CARMIL2: variants seen among roughly 807,000 people sequenced by gnomAD.
The protein encoded by CARMIL2 is capping protein regulator and myosin 1 linker 2, also known as capping protein, Arp2/3 and myosin-I linker protein 2.
In CARMIL2, 96 loss-of-function variants were observed where a neutral mutation model predicts 173.3. That is an observed-to-expected ratio of 0.55 (90% CI 0.47 to 0.66). CARMIL2 has a LOEUF of 0.66. Among genes scored for constraint, CARMIL2 ranks in the 30% least tolerant of loss-of-function variants. The pLI is 0.00. For synonymous variants in CARMIL2, 830 were observed against 817.1 expected (o/e 1.02, Z -0.27); for missense variants, 1,771 against 1,906.7 (o/e 0.93, Z 1.33).
chr16:67,651,091 A>C lies in CARMIL2; in HGVS notation c.2185-96A>C. 6.9e-7 allele frequency: 1 copy of C among 1,447,186 alleles called. No homozygotes were observed. Among genetic ancestry groups the C allele is most frequent in the Non-Finnish European group, 9.4e-7 (1 of 1,067,386 alleles). The allele number at this position is 1,447,186 out of a possible 1,614,324, so 89.6% of individuals were successfully genotyped here. ...TGGCTGGTCTAAGGGTGTCAGCTTC[A>C]GGACCTCCCTCTGTTAAAGAGCCTG... is the stretch of plus-strand genomic sequence containing the variant. On this transcript the variant is annotated intron_variant, in intron 22 of 37. Transcript: ENST00000334583. This position sits in a 1 kb window ranked among gnomAD's most constrained non-coding sequence, Gnocchi z 4.2.
chr16:67,648,711 A>G lies in CARMIL2; in HGVS notation c.1466A>G (p.Asn489Ser), dbSNP rs761207272. The change falls in exon 16 of 38, where the codon AAC becomes AGC. Residue 489 changes from asparagine (N) to serine (S), a missense_variant. Transcript: ENST00000334583. This position sits in a 1 kb window ranked among gnomAD's most constrained non-coding sequence, Gnocchi z 6.1. ...LRALLDGLAL[N>S]THLRDLHLDL... ...GCCCTTTTGGATGGCCTCGCGCTCA[A>G]CACGCACCTCCGCGACCTGCACCTG... 8 of 1,607,800 alleles carry G rather than the reference A, an allele frequency of 5.0e-6. No individual in the cohort carries two copies. Among genetic ancestry groups the G allele is most frequent in the Non-Finnish European group, 6.8e-6 (8 of 1,177,490 alleles).
Position 67,657,210 on chromosome 16 carries a change from C to T in CARMIL2, c.4118-29C>T, listed in dbSNP as rs774972403. 1 of 1,606,418 alleles carries T rather than the reference C, an allele frequency of 6.2e-7. No individual in the cohort carries two copies. The highest frequency in any genetic ancestry group is 1.7e-5 in the Admixed American group (1 of 59,600). On this transcript the variant is annotated intron_variant, in intron 36 of 37. Transcript: ENST00000334583. The surrounding 1 kb of genome is among the most constrained non-coding windows in gnomAD (Gnocchi z 4.5). The stretch of plus-strand genomic sequence containing the variant: ...ATGGACAGACCCCAAGCCTTAGCAA[C>T]CCACCCCAAGCCTTTCTGTGTCCCT...
rs1379080964 is a variant in CARMIL2 at position 67,653,723 on chromosome 16, C to G, written c.3121-426C>G. 6.6e-6 allele frequency among the ~76,000 whole-genome samples: 1 copy of G among 152,166 alleles called. No homozygotes were observed. The highest frequency in any genetic ancestry group is 3.4e-3 in the Middle Eastern group (1 of 292). ...CGGGGAGGAGCCGGCTTGAGGCCCC[C>G]CAGAGGGTCTGACGCAGCAGCCGGC... On this transcript the variant is annotated intron_variant, in intron 29 of 37. Coordinates refer to ENST00000334583, the MANE Select transcript of CARMIL2 (RefSeq NM_001013838.3). The surrounding 1 kb of genome is among the most constrained non-coding windows in gnomAD (Gnocchi z 7.4).
intron 34 of CARMIL2, 48 bp from the exon 35 acceptor site, chr16:67,656,376 T>C: frequency 6.2e-7 from 1 of 1,609,290 alleles, no homozygotes. Flanking sequence ...TGTTCAGACC[T>C]ATCGCCAATG....
rs771155323 is a variant in CARMIL2, at chr16:67,652,005, G to A, written c.2673G>A (p.Gln891=). The change falls in exon 26 of 38, where the codon CAG becomes CAA. Residue 891 remains glutamine (Q), a synonymous_variant. Coordinates refer to ENST00000334583, the MANE Select transcript of CARMIL2 (RefSeq NM_001013838.3). The surrounding 1 kb of genome is among the most constrained non-coding windows in gnomAD (Gnocchi z 4.7). ...ALAGLSAARD[Q]LVESLAQQAT... is the part of the protein sequence containing the mutation. ...CAGGCCTGAGTGCAGCCCGGGATCA[G>A]CTGGTGAGGGGGAGATGTGCACACA... 5 of 1,613,344 alleles carry A rather than the reference G, an allele frequency of 3.1e-6. No individual in the cohort carries two copies. The African/African-American group carries it at 5.3e-5, about 17-fold the overall frequency.
At chr16:67,645,799 C>G (rs2052582675) in intron 3 of CARMIL2, 22 bp downstream of exon 3, 6 of 1,609,834 alleles carry the variant, frequency 3.7e-6, no homozygotes, top group Non-Finnish European at 5.1e-6. Context: ...GGCCTGGCCA[C>G]ACCCCCGCCC....
chr16:67,655,846 AGTC>A (rs2052837153), intron 32 of CARMIL2, among the ~76,000 whole-genome samples, 182 bp from the exon 33 acceptor site: 1 of 152,216 alleles, frequency 6.6e-6, no homozygotes, highest in Non-Finnish European at 1.5e-5. Flanking sequence ...AAAAACATGA[AGTC>A]GGCCTGAATT....
chr16:67,648,033 AC>A lies in CARMIL2; in HGVS notation c.1072-15del, dbSNP rs1453957117. 9 of 1,609,316 alleles carry A rather than the reference AC, an allele frequency of 5.6e-6. No individual in the cohort carries two copies. Among genetic ancestry groups the A allele is most frequent in the Non-Finnish European group, 5.9e-6 (7 of 1,178,100 alleles). On this transcript the variant is annotated intron_variant, in intron 13 of 37. Transcript: ENST00000334583. This position sits in a 1 kb window ranked among gnomAD's most constrained non-coding sequence, Gnocchi z 6.1. ...GGTAGGCGATCCCCCACTCCATCGC[AC>A]CCCTGTCCTCCCTCCAGGGCCTCTA...
At position 67,654,178 on chromosome 16, in the gene CARMIL2, T is replaced by C. The variant is rs1410983356; in HGVS notation, c.3150T>C (p.Asn1050=). The change falls in exon 30 of 38, where the codon AAT becomes AAC. Residue 1050 remains asparagine, a synonymous_variant. Transcript: ENST00000334583. ...QVPPALPQEG[N]GLSARVDEGV... is the part of the protein sequence containing the mutation. ...CCCCAGCCTTGCCGCAGGAAGGGAA[T>C]GGGCTCAGTGCCCGCGTGGACGAGG... 29 of 1,546,896 alleles carry C rather than the reference T, an allele frequency of 1.9e-5. No individual in the cohort carries two copies. Among genetic ancestry groups the C allele is most frequent in the Non-Finnish European group, 2.4e-5 (27 of 1,147,210 alleles).
Position 67,646,305 on chromosome 16 carries a change from C to A in CARMIL2, c.369C>A (p.Thr123=). The change falls in exon 5 of 38, where the codon ACC becomes ACA. Residue 123 remains threonine (T), a synonymous_variant. Transcript: ENST00000334583. This position sits in a 1 kb window ranked among gnomAD's most constrained non-coding sequence, Gnocchi z 4.6. ...AAIKKVFPRS[T]LGKLFRRPTP... ...TCAAGAAGGTCTTCCCTCGCTCGAC[C>A]CTTGGGTGAGGCCTGGCAAATTCGA... 1 of 1,613,252 alleles carries A rather than the reference C, an allele frequency of 6.2e-7. No individual in the cohort carries two copies. Among genetic ancestry groups the A allele is most frequent in the Non-Finnish European group, 8.5e-7 (1 of 1,179,564 alleles).
chr16:67,650,912 C>G, intron 22 of CARMIL2: 1 of 406,728 alleles, frequency 2.5e-6, no homozygotes, highest in Non-Finnish European at 4.5e-6. Flanking sequence ...TCAGTCTATC[C>G]TCTGTGTGGA....
Position 67,646,228 on chromosome 16 carries a change from T to G in CARMIL2, c.292T>G (p.Phe98Val). Residue 98 changes from phenylalanine (F) to valine (V), a missense_variant, in exon 5 of 38, where the codon TTT becomes GTT. Coordinates refer to ENST00000334583, the MANE Select transcript of CARMIL2 (RefSeq NM_001013838.3). The surrounding 1 kb of genome is among the most constrained non-coding windows in gnomAD (Gnocchi z 4.6). Reference protein sequence around the residue: ...LESLRELVLEFPGVAALEQLA... With the variant: ...LESLRELVLEVPGVAALEQLA... ...GTCCCTGCGTGAGCTGGTCCTGGAG[T>G]TTCCTGGTGTGGCCGCCCTGGAACA... 6.2e-7 allele frequency: 1 copy of G among 1,613,644 alleles called. No individual in the cohort carries two copies. The highest frequency in any genetic ancestry group is 1.1e-5 in the South Asian group (1 of 91,080).
Position 67,651,071 on chromosome 16 carries a change from G to A in CARMIL2, c.2185-116G>A. The A allele has an allele frequency of 8.1e-7, 1 of 1,232,852 alleles. No homozygotes were observed. Among genetic ancestry groups the A allele is most frequent in the South Asian group, 1.5e-5 (1 of 68,258 alleles). The allele number at this position is 1,232,852 out of a possible 1,614,324, so 76.4% of individuals were successfully genotyped here. A position where few individuals can be genotyped will look rare whatever the true frequency, so the allele number is the denominator to read the frequency against. On this transcript the variant is annotated intron_variant, in intron 22 of 37. Coordinates refer to ENST00000334583, the MANE Select transcript of CARMIL2 (RefSeq NM_001013838.3). This position sits in a 1 kb window ranked among gnomAD's most constrained non-coding sequence, Gnocchi z 4.2. ...GAACAGATAGGGTTCCAAAGTGGCT[G>A]GTCTAAGGGTGTCAGCTTCAGGACC... is the stretch of plus-strand genomic sequence containing the variant.
chr16:67,654,721 G>A (rs753473750), intron 31 of CARMIL2, 29 bp downstream of exon 31: 1 of 1,604,080 alleles, frequency 6.2e-7, no homozygotes, highest in Non-Finnish European at 8.5e-7. Context: ...GGGTGGTGAA[G>A]GCGCTTCTGG....
At position 67,651,349 on chromosome 16, in the gene CARMIL2, C is replaced by G; in HGVS notation, c.2313+34C>G. On this transcript the variant is annotated intron_variant, in intron 23 of 37. Coordinates refer to ENST00000334583, the MANE Select transcript of CARMIL2 (RefSeq NM_001013838.3). This position sits in a 1 kb window ranked among gnomAD's most constrained non-coding sequence, Gnocchi z 4.2. ...TCCCCCTCCTGCTACAAGGACCCTT[C>G]CCCTCTTAGTCAGGTGTCAGCTCGC... 6.2e-7 allele frequency: 1 copy of G among 1,609,726 alleles called. No individual in the cohort carries two copies. Among genetic ancestry groups the G allele is most frequent in the Non-Finnish European group, 8.5e-7 (1 of 1,176,806 alleles).
rs2052628931 is a variant in CARMIL2 at position 67,647,887 on chromosome 16, T to C, written c.1000T>C (p.Phe334Leu). ...CCGGGCACTGGCCACCAATGCCGCC[T>C]TCGACTCCACCCTGACCCACCTGGA... ...LGRALATNAA[F>L]DSTLTHLDLS... Residue 334 changes from phenylalanine (F) to leucine (L), a missense_variant, in exon 13 of 38, where the codon TTC becomes CTC. Phe to Leu is a conservative substitution (Grantham distance 22). Around this residue, in one of 3 missense-constraint regions of CARMIL2, gnomAD observed 944 missense variants for 975.6 expected, o/e 0.97. Transcript: ENST00000334583. 6.2e-7 allele frequency: 1 copy of C among 1,611,390 alleles called. No homozygotes were observed. The highest frequency in any genetic ancestry group is 8.5e-7 in the Non-Finnish European group (1 of 1,178,928).
In CARMIL2 at chr16:67,651,310, C is replaced by T. The variant is rs1280741406; in HGVS notation, c.2308C>T (p.Leu770Phe). ...TGCCATCCAAAATGCCAACTTCTCT[C>T]TCAGCGTGAGCACTCCCCCTCCTGC... ...EDAIQNANFSLSILPILYEAG... is the reference protein window; with the variant it reads ...EDAIQNANFSFSILPILYEAG... Residue 770 changes from leucine to phenylalanine, a missense_variant, in exon 23 of 38, where the codon CTC (leucine) becomes TTC (phenylalanine). Transcript: ENST00000334583. This position sits in a 1 kb window ranked among gnomAD's most constrained non-coding sequence, Gnocchi z 4.2. 6.2e-7 allele frequency: 1 copy of T among 1,613,572 alleles called. No individual in the cohort carries two copies. The highest frequency in any genetic ancestry group is 2.2e-5 in the East Asian group (1 of 44,872).
chr16:67,647,904 C>T lies in CARMIL2; in HGVS notation c.1017C>T (p.Thr339=). The T allele has an allele frequency of 6.2e-7, 1 of 1,611,500 alleles. No homozygotes were observed. The change falls in exon 13 of 38, where the codon ACC becomes ACT. Residue 339 remains threonine (T), a synonymous_variant. Coordinates refer to ENST00000334583, the MANE Select transcript of CARMIL2 (RefSeq NM_001013838.3). ...ATNAAFDSTL[T]HLDLSGNPGA... ...ATGCCGCCTTCGACTCCACCCTGAC[C>T]CACCTGGACCTTTCTGGGAATCCTG...
chr16:67,656,293 T>A lies in CARMIL2; in HGVS notation c.3808T>A (p.Ser1270Thr). 3.1e-6 allele frequency: 5 copies of A among 1,613,972 alleles called. No homozygotes were observed. Among genetic ancestry groups the A allele is most frequent in the Non-Finnish European group, 4.2e-6 (5 of 1,179,872 alleles). Reference protein sequence around the residue: ...ISIKSRTHSVSADPSCRPGPG... With the variant: ...ISIKSRTHSVTADPSCRPGPG... ...GATCAAGTCCCGCACCCACTCTGTG[T>A]CTGCTGGTGAGTGAGGGCCACTGTG... Residue 1270 changes from serine to threonine, a missense_variant, in exon 34 of 38, where the codon TCT (serine) becomes ACT (threonine). Coordinates refer to ENST00000334583, the MANE Select transcript of CARMIL2 (RefSeq NM_001013838.3).
Sources: allele counts gnomAD v4.1 joint callset (sites outside exome capture counted in the v4.1 genomes callset), GRCh38; gene constraint gnomAD v4.1.1; regional missense constraint gnomAD v4.1.1; non-coding constraint Gnocchi (gnomAD v3.1); transcripts MANE v1.5; gene names NCBI Gene and HGNC (gene_info 2026-07-23, HGNC 2026-07-21).